The following SCIMP variants were observed in gnomAD, a reference collection of about 807,000 sequenced individuals.
The protein encoded by SCIMP is SLP adapter and CSK-interacting membrane protein.
Under a neutral mutation model 22.0 loss-of-function variants are expected in SCIMP, and 18 were observed. The observed-to-expected ratio is 0.82, with a 90% CI of 0.56 to 1.21. SCIMP has a LOEUF of 1.21. Ranked by LOEUF, SCIMP falls within the 50% of genes most tolerant of loss-of-function variation. The pLI is 0.00. For synonymous variants in SCIMP, 53 were observed against 62.2 expected (o/e 0.85, Z 0.70); for missense variants, 155 against 171.2 (o/e 0.91, Z 0.53).
intron 1 of SCIMP, among the ~76,000 whole-genome samples, chr17:5,228,345 CAA>C (rs11444866): frequency 7.2e-6 from 1 of 139,246 alleles, no homozygotes; most frequent in African/African-American, 2.7e-5. Context: ...AATCTTGTCT[CAA>C]AAAAAAAAAA....
At chr17:5,221,926 C>T (rs2074610988) in intron 2 of SCIMP, among the ~76,000 whole-genome samples, 1 of 151,948 alleles carries the variant, frequency 6.6e-6, no homozygotes. Flanking sequence ...GTGCCTGCCA[C>T]CACACCTGGC....
chr17:5,211,909 G>A (rs537213533), intron 4 of SCIMP, among the ~76,000 whole-genome samples: 8 of 152,190 alleles, frequency 5.3e-5, no homozygotes, highest in South Asian at 2.1e-4. Flanking sequence ...TTAGCTGGGC[G>A]TGATGGCGGG....
chr17:5,227,287 CACACA>C (rs1567843103), intron 1 of SCIMP, among the ~76,000 whole-genome samples: 1 of 98,970 alleles, frequency 1.0e-5, no homozygotes, highest in Non-Finnish European at 2.0e-5. Context: ...TATACACACA[CACACA>C]ACACACACAC....
chr17:5,213,391 T>G (rs547599560), intron 4 of SCIMP: 5 of 248,338 alleles, frequency 2.0e-5, no homozygotes, highest in Non-Finnish European at 3.2e-5. Flanking sequence ...GGACTATAAG[T>G]GTGCACCATC....
At chr17:5,225,457 T>C (rs35624940) in intron 1 of SCIMP, among the ~76,000 whole-genome samples, 11,656 of 150,514 alleles carry the variant, frequency 0.077, 507 homozygotes, top group Middle Eastern at 0.15. Context: ...AGAGCAAGAC[T>C]CCATCTCAAA....
At chr17:5,226,308 T>C (rs553337129) in intron 1 of SCIMP, among the ~76,000 whole-genome samples, 4 of 152,056 alleles carry the variant, frequency 2.6e-5, no homozygotes, top group Non-Finnish European at 4.4e-5. Flanking sequence ...CAAAAAAAAC[T>C]ATTGCTTGGG....
chr17:5,224,075 C>T (rs1231413015), intron 1 of SCIMP, among the ~76,000 whole-genome samples: 1 of 152,234 alleles, frequency 6.6e-6, no homozygotes, highest in Non-Finnish European at 1.5e-5. Context: ...GACATCATCA[C>T]TGCTCTTTCA....
At chr17:5,234,539 C>T in intron 1 of SCIMP, 196 bp downstream of exon 1, 1 of 613,158 alleles carries the variant, frequency 1.6e-6, no homozygotes, top group Middle Eastern at 4.4e-4. Context: ...GTCACTCAGC[C>T]AGTTACCAGT....
At chr17:5,232,378 A>ATCAACAGTGCAGTG (rs2074705993) in intron 1 of SCIMP, among the ~76,000 whole-genome samples, 1 of 138,564 alleles carries the variant, frequency 7.2e-6, no homozygotes, top group African/African-American at 2.8e-5. Context: ...ACAGTGCAGT[A>ATCAACAGTGCAGTG]TAAACAGTGC....
chr17:5,210,706 G>T lies in SCIMP; in HGVS notation c.*95C>A. The T allele has an allele frequency of 6.7e-7, 1 of 1,488,972 alleles. No individual in the cohort carries two copies. 92.2% of individuals were successfully genotyped at this position (1,488,972 alleles called of 1,614,324 possible). ...CATAAAATCACCACTGGCTTTCAGG[G>T]CCCAGAGACCTACTGAAGTTCAACC... On this transcript the variant is annotated 3_prime_UTR_variant, in exon 5 of 5. Transcript: ENST00000574081.
At chr17:5,228,244 G>A (rs1225353131) in intron 1 of SCIMP, among the ~76,000 whole-genome samples, 1 of 151,906 alleles carries the variant, frequency 6.6e-6, no homozygotes, top group South Asian at 2.1e-4. Context: ...TACATGGGAG[G>A]TTGAAGTGGG....
At chr17:5,227,027 G>A (rs1452203858) in intron 1 of SCIMP, among the ~76,000 whole-genome samples, 1 of 152,008 alleles carries the variant, frequency 6.6e-6, no homozygotes, top group Non-Finnish European at 1.5e-5. Flanking sequence ...CCGAGTTCAG[G>A]CCCTGGGAAG....
In SCIMP at chr17:5,225,238, G is replaced by A. The variant is rs914271296; in HGVS notation, c.22-1782C>T. 8.5e-5 allele frequency among the ~76,000 whole-genome samples: 13 copies of A among 152,314 alleles called. No homozygotes were observed. In the East Asian group the frequency reaches 2.5e-3, roughly 29 times the overall value. Reference sequence around the variant, plus strand: ...CCAGCACTTTGGGAGGCTGAGGAGGGCAGATCACTTCAGGTCAGGAGTTCA... The same window carrying A: ...CCAGCACTTTGGGAGGCTGAGGAGGACAGATCACTTCAGGTCAGGAGTTCA... On this transcript the variant is annotated intron_variant, in intron 1 of 4. Transcript: ENST00000574081.
intron 1 of SCIMP, chr17:5,233,913 C>G (rs1224464085): frequency 6.6e-6 from 1 of 152,194 alleles, no homozygotes; most frequent in Non-Finnish European, 1.5e-5. Flanking sequence ...GCCTAATGAA[C>G]TACTGAAAGC....
In SCIMP at chr17:5,209,091, A is replaced by G. The variant is rs2074508682; in HGVS notation, c.*1710T>C. On this transcript the variant is annotated 3_prime_UTR_variant, in exon 5 of 5. Transcript: ENST00000574081. ...GGATACCAGAGTCCCATAAGGCCAT[A>G]GTTAGATAACTACTGGCCTAACATA... The G allele has an allele frequency of 6.6e-6, 1 of 152,194 alleles. No individual in the cohort carries two copies. Among genetic ancestry groups the G allele is most frequent in the Non-Finnish European group, 1.5e-5 (1 of 68,044 alleles). 9.4% of individuals were successfully genotyped at this position (152,194 alleles called of 1,614,324 possible).
At chr17:5,231,988 G>A (rs79129533) in intron 1 of SCIMP, among the ~76,000 whole-genome samples, 35,067 of 151,956 alleles carry the variant, frequency 0.23, 4,724 homozygotes, top group South Asian at 0.52. Context: ...CCCGGGAGGC[G>A]GAGCTTGCAG....
At chr17:5,216,632 C>T (rs1394366019) in intron 3 of SCIMP, among the ~76,000 whole-genome samples, 1 of 152,096 alleles carries the variant, frequency 6.6e-6, no homozygotes, top group Non-Finnish European at 1.5e-5. Context: ...CGCCACTGCA[C>T]TCCAGCCTGG....
At chr17:5,221,100 T>C in intron 3 of SCIMP, 187 bp downstream of exon 3, 2 of 690,654 alleles carry the variant, frequency 2.9e-6, no homozygotes, top group East Asian at 2.7e-5. Context: ...GAGGGAGGAC[T>C]TGCCCTGCAT....
chr17:5,218,433 G>A (rs1166982335), intron 3 of SCIMP, among the ~76,000 whole-genome samples: 1 of 151,714 alleles, frequency 6.6e-6, no homozygotes, highest in Non-Finnish European at 1.5e-5. Context: ...TCCACCTCCT[G>A]GGTTCAAGCA....
Sources: allele counts gnomAD v4.1 joint callset (sites outside exome capture counted in the v4.1 genomes callset), GRCh38; gene constraint gnomAD v4.1.1; transcripts MANE v1.5; gene names NCBI Gene and HGNC (gene_info 2026-07-23, HGNC 2026-07-21).